NR1I2: variants seen among roughly 807,000 people sequenced by gnomAD.
NR1I2 encodes the protein orphan nuclear receptor PAR1.
In NR1I2, 42 loss-of-function variants were observed where a neutral mutation model predicts 43.3. That is an observed-to-expected ratio of 0.97 (90% CI 0.76 to 1.26). NR1I2 has a LOEUF of 1.26. Among genes scored for constraint, NR1I2 ranks in the 50% most tolerant of loss-of-function variants. NR1I2 has a pLI of 0.00. For synonymous variants in NR1I2, 229 were observed against 215.0 expected, an observed-to-expected ratio of 1.06 and a Z score of -0.57; for missense variants, 559 against 566.7, an observed-to-expected ratio of 0.99 and a Z score of 0.14.
chr3:119,815,918 G>T, intron 8 of NR1I2, 87 bp downstream of exon 8: 1 of 1,135,696 alleles, frequency 8.8e-7, no homozygotes. Flanking sequence ...ATGGCCAGAG[G>T]GTGGCATCTG....
At chr3:119,782,755 A>C in intron 1 of NR1I2, 1 of 1,613,106 alleles carries the variant, frequency 6.2e-7, no homozygotes. Flanking sequence ...CAAGGACAGC[A>C]GCATGACAGT....
intron 1 of NR1I2, among the ~76,000 whole-genome samples, chr3:119,798,339 T>C (rs1247703353): frequency 6.6e-6 from 1 of 152,222 alleles, no homozygotes; most frequent in Non-Finnish European, 1.5e-5. Flanking sequence ...TTTCAGATAT[T>C]GTACTATTAA....
intron 2 of NR1I2, among the ~76,000 whole-genome samples, chr3:119,809,781 T>C (rs2055211394): frequency 6.6e-6 from 1 of 152,098 alleles, no homozygotes; most frequent in African/African-American, 2.4e-5. Context: ...GAAAGTGGTT[T>C]TGGGGCTGCC....
intron 8 of NR1I2, among the ~76,000 whole-genome samples, chr3:119,816,803 A>G (rs1272769823): frequency 6.7e-6 from 1 of 150,068 alleles, no homozygotes; most frequent in Non-Finnish European, 1.5e-5. Context: ...CCTGGGTGAC[A>G]GAACGAGATC....
rs775942950 is a variant in NR1I2, at chr3:119,817,473, C to T, written c.*261C>T. On this transcript the variant is annotated 3_prime_UTR_variant, in exon 9 of 9. Transcript: ENST00000393716. ...GCACTGACCTGTAGGTCAGGACCAT[C>T]AGAGAGGCAAGGTTGCCCTTTCCTT... The T allele has an allele frequency of 7.4e-7, 1 of 1,343,756 alleles. No individual in the cohort carries two copies. The highest frequency in any genetic ancestry group is 3.2e-5 in the East Asian group (1 of 31,312). 83.2% of individuals were successfully genotyped at this position (1,343,756 alleles called of 1,614,324 possible).
intron 1 of NR1I2, among the ~76,000 whole-genome samples, chr3:119,799,983 C>A (rs1466052335): frequency 2.5e-5 from 3 of 122,388 alleles, no homozygotes; most frequent in African/African-American, 7.6e-5. Flanking sequence ...AACAAACAAA[C>A]AAACACACAC....
intron 7 of NR1I2, 140 bp from the exon 8 acceptor site, chr3:119,815,586 G>A: frequency 9.9e-7 from 1 of 1,009,990 alleles, no homozygotes; most frequent in Non-Finnish European, 1.5e-6. Flanking sequence ...AGTGGGTGAT[G>A]CCCAGCCCTG....
intron 3 of NR1I2, chr3:119,811,266 C>T (rs2055236909): frequency 5.4e-6 from 2 of 373,788 alleles, no homozygotes; most frequent in South Asian, 1.2e-4. Context: ...GATTCTGAAG[C>T]CCGTGCTCTT....
intron 1 of NR1I2, among the ~76,000 whole-genome samples, chr3:119,783,023 A>G (rs961647353): frequency 4.6e-4 from 70 of 152,128 alleles, no homozygotes; most frequent in African/African-American, 1.6e-3. Flanking sequence ...AGGACAGGTC[A>G]ACAGACACCT....
intron 1 of NR1I2, among the ~76,000 whole-genome samples, chr3:119,787,400 C>G (rs1425677103): frequency 6.6e-6 from 1 of 152,092 alleles, no homozygotes; most frequent in African/African-American, 2.4e-5. Flanking sequence ...CCCCCGACTC[C>G]CTTATTCAAC....
intron 8 of NR1I2, 39 bp from the exon 9 acceptor site, chr3:119,817,029 C>A (rs781561377): frequency 6.2e-7 from 1 of 1,613,526 alleles, no homozygotes; most frequent in African/African-American, 1.3e-5. Context: ...TGGGTCAGGG[C>A]GGGCTGCACC....
At chr3:119,784,497 A>G (rs1229675723) in intron 1 of NR1I2, among the ~76,000 whole-genome samples, 2 of 152,144 alleles carry the variant, frequency 1.3e-5, no homozygotes, top group African/African-American at 2.4e-5. Context: ...TTTAAATCAT[A>G]CTTTTTAGCC....
intron 1 of NR1I2, among the ~76,000 whole-genome samples, chr3:119,805,619 C>A (rs924990377): frequency 1.3e-5 from 2 of 151,264 alleles, no homozygotes; most frequent in African/African-American, 4.9e-5. Context: ...AGGAGAATCG[C>A]TTGAGCCCGG....
intron 8 of NR1I2, 44 bp from the exon 9 acceptor site, chr3:119,817,024 C>A: frequency 6.2e-7 from 1 of 1,613,270 alleles, no homozygotes; most frequent in South Asian, 1.1e-5. Flanking sequence ...GCTTGTGGGT[C>A]AGGGCGGGCT....
rs2054888974 is a variant in NR1I2, at chr3:119,789,473, A to G, written c.-23+7173A>G. Among the ~76,000 whole-genome samples the G allele has an allele frequency of 2.0e-5, 3 of 152,086 alleles. No homozygotes were observed. The South Asian group carries it at 6.2e-4, about 32-fold the overall frequency. On this transcript the variant is annotated intron_variant, in intron 1 of 8. Coordinates refer to ENST00000393716, the MANE Select transcript of NR1I2 (RefSeq NM_003889.4). Reference sequence around the variant, plus strand: ...AGCGAAAGGGGTTTCCCCTTATAAAACCATCAGATCTCATGAGACTTATTC... The same window carrying G: ...AGCGAAAGGGGTTTCCCCTTATAAAGCCATCAGATCTCATGAGACTTATTC...
chr3:119,807,169 C>A, intron 1 of NR1I2, 60 bp from the exon 2 acceptor site: 1 of 1,439,606 alleles, frequency 6.9e-7, no homozygotes, highest in Non-Finnish European at 9.7e-7. Context: ...AGTGTTTCCT[C>A]TGAGGCCTCT....
chr3:119,809,195 C>T (rs2055200410), intron 2 of NR1I2, among the ~76,000 whole-genome samples: 1 of 152,220 alleles, frequency 6.6e-6, no homozygotes, highest in African/African-American at 2.4e-5. Flanking sequence ...TGTTTCTTTC[C>T]ATCCAGCTGT....
At chr3:119,802,113 A>C (rs969504572) in intron 1 of NR1I2, among the ~76,000 whole-genome samples, 2 of 152,052 alleles carry the variant, frequency 1.3e-5, no homozygotes, top group African/African-American at 2.4e-5. Context: ...CAAGGGTGTG[A>C]ATCTTTCGGG....
rs956470189 is a variant in NR1I2 at position 119,792,362 on chromosome 3, A to C, written c.-23+10062A>C. The C allele has an allele frequency of 1.1e-5, 15 of 1,385,922 alleles. No individual in the cohort carries two copies. In the African/African-American group the frequency reaches 1.7e-4, roughly 16 times the overall value. The allele number at this position is 1,385,922 out of a possible 1,614,324, so 85.9% of individuals were successfully genotyped here. A position where few individuals can be genotyped will look rare whatever the true frequency, so the allele number is the denominator to read the frequency against. On this transcript the variant is annotated intron_variant, in intron 1 of 8. Coordinates refer to ENST00000393716, the MANE Select transcript of NR1I2 (RefSeq NM_003889.4). ...TGACCTTCAGGAAGGAGTTCACAGAAGCAGTGGAAGCCAAACAGGTGGCTC... is the reference window on the plus strand; with the variant it reads ...TGACCTTCAGGAAGGAGTTCACAGACGCAGTGGAAGCCAAACAGGTGGCTC...
Sources: gnomAD v4.1 joint callset for allele counts (sites outside exome capture counted in the v4.1 genomes callset) on GRCh38, gnomAD v4.1.1 for gene constraint, MANE v1.5 for transcripts, NCBI Gene and HGNC (gene_info 2026-07-23, HGNC 2026-07-21) for gene names.